The following L3MBTL4 variants were observed in gnomAD, a reference collection of about 807,000 sequenced individuals.
L3MBTL4 encodes the protein lethal(3)malignant brain tumor-like protein 4.
Under a neutral mutation model 84.5 loss-of-function variants are expected in L3MBTL4, and 70 were observed. The observed-to-expected ratio is 0.83, with a 90% CI of 0.68 to 1.01. The LOEUF is 1.01. Among genes scored for constraint, L3MBTL4 ranks in the 50% least tolerant of loss-of-function variants. L3MBTL4 has a pLI of 0.00. For missense variants in L3MBTL4, 715 were observed against 754.8 expected, an observed-to-expected ratio of 0.95 and a Z score of 0.62; for synonymous variants, 274 against 259.8, an observed-to-expected ratio of 1.05 and a Z score of -0.52.
chr18:6,122,407 C>T (rs2059561103), intron 14 of L3MBTL4, among the ~76,000 whole-genome samples: 1 of 152,118 alleles, frequency 6.6e-6, no homozygotes, highest in Non-Finnish European at 1.5e-5. Context: ...TGGGAGGGAC[C>T]CAGTTGGAGG....
intron 14 of L3MBTL4, among the ~76,000 whole-genome samples, chr18:6,125,346 ACT>A (rs1283536693): frequency 6.6e-6 from 1 of 152,180 alleles, no homozygotes; most frequent in African/African-American, 2.4e-5. Context: ...AATAGGTTAA[ACT>A]CTCTTATCAA....
chr18:5,961,594 C>CA (rs1216665189), intron 17 of L3MBTL4, among the ~76,000 whole-genome samples: 1 of 152,022 alleles, frequency 6.6e-6, no homozygotes, highest in Non-Finnish European at 1.5e-5. Flanking sequence ...AACAAACAAA[C>CA]AAAAAAACCT....
intron 14 of L3MBTL4, among the ~76,000 whole-genome samples, chr18:6,095,273 G>A (rs1241078569): frequency 2.0e-5 from 3 of 151,808 alleles, no homozygotes; most frequent in African/African-American, 7.3e-5. Flanking sequence ...AAGGCCTTGT[G>A]GCACTTTCTT....
chr18:6,144,069 C>G lies in L3MBTL4; in HGVS notation c.1097-5773G>C, dbSNP rs568982098. On this transcript the variant is annotated intron_variant, in intron 13 of 18. Transcript: ENST00000317931. ...AGAATTGGCTGGGCATGGTGGCAGGCCCTGTAGTCCCAGCTACTGGAGAGG... is the reference window on the plus strand; with the variant it reads ...AGAATTGGCTGGGCATGGTGGCAGGGCCTGTAGTCCCAGCTACTGGAGAGG... Among the ~76,000 whole-genome samples the G allele has an allele frequency of 8.4e-3, 1,270 of 151,858 alleles. 10 individuals are homozygous for G. Among genetic ancestry groups the G allele is most frequent in the Middle Eastern group, 0.024 (7 of 294 alleles).
intron 16 of L3MBTL4, among the ~76,000 whole-genome samples, chr18:5,994,228 G>A (rs542090158): frequency 6.6e-6 from 1 of 152,276 alleles, no homozygotes; most frequent in African/African-American, 2.4e-5. Flanking sequence ...TGCCTCTACC[G>A]GCCAGGCATC....
At chr18:6,067,892 G>A (rs1211328896) in intron 16 of L3MBTL4, among the ~76,000 whole-genome samples, 1 of 151,770 alleles carries the variant, frequency 6.6e-6, no homozygotes, top group African/African-American at 2.4e-5. Context: ...TTACTTTTCT[G>A]GTTTCTTCTT....
chr18:6,244,059 A>T lies in L3MBTL4; in HGVS notation c.324+425T>A, dbSNP rs149670555. 2.0e-3 allele frequency among the ~76,000 whole-genome samples: 302 copies of T among 152,328 alleles called. 2 individuals carry two copies. The highest frequency in any genetic ancestry group is 6.7e-3 in the African/African-American group (279 of 41,588). ...AAGTATTACATTTTATAAGCCATTC[A>T]TCAAGAGCTCTCCACTCTAAATAAT... On this transcript the variant is annotated intron_variant, in intron 6 of 18. Transcript: ENST00000317931.
intron 7 of L3MBTL4, among the ~76,000 whole-genome samples, chr18:6,242,240 C>G (rs886692561): frequency 1.1e-4 from 16 of 152,154 alleles, no homozygotes; most frequent in African/African-American, 3.9e-4. Flanking sequence ...CGCACTCCTG[C>G]CCCGGCGCCT....
intron 17 of L3MBTL4, among the ~76,000 whole-genome samples, chr18:5,966,048 G>C (rs942336844): frequency 1.2e-4 from 19 of 152,220 alleles, no homozygotes; most frequent in African/African-American, 4.6e-4. Flanking sequence ...AAAGACCGGG[G>C]CTCTCATCTT....
At chr18:6,010,166 C>T (rs563330486) in intron 16 of L3MBTL4, among the ~76,000 whole-genome samples, 155 of 152,012 alleles carry the variant, frequency 1.0e-3, no homozygotes, top group African/African-American at 3.6e-3. Flanking sequence ...GAAAGTAATA[C>T]ATTTCTGATT....
In L3MBTL4 at chr18:6,276,453, C is replaced by T. The variant is rs77080089; in HGVS notation, c.128-12415G>A. On this transcript the variant is annotated intron_variant, in intron 4 of 18. Transcript: ENST00000317931. The stretch of plus-strand genomic sequence containing the variant: ...GTTCTTGCCCCTAAAGAGCTTGCAG[C>T]TTAGTGGAGGAACTAGATAACTATC... 3.0e-3 allele frequency among the ~76,000 whole-genome samples: 452 copies of T among 152,176 alleles called. 5 individuals are homozygous for T. Among genetic ancestry groups the T allele is most frequent in the African/African-American group, 0.011 (436 of 41,512 alleles).
intron 13 of L3MBTL4, among the ~76,000 whole-genome samples, chr18:6,144,294 T>C: frequency 6.6e-6 from 1 of 151,996 alleles, no homozygotes; most frequent in Admixed American, 6.5e-5. Flanking sequence ...TATTCTCATT[T>C]CAGAGCTCAG....
intron 1 of L3MBTL4, among the ~76,000 whole-genome samples, chr18:6,375,207 A>G (rs566512007): frequency 6.6e-6 from 1 of 151,562 alleles, no homozygotes; most frequent in African/African-American, 2.4e-5. Context: ...TACCTTCCAA[A>G]CTTACTGTCC....
intron 12 of L3MBTL4, among the ~76,000 whole-genome samples, chr18:6,209,866 T>G (rs367586864): frequency 1.3e-5 from 2 of 152,222 alleles, no homozygotes; most frequent in Admixed American, 1.3e-4. Flanking sequence ...GAAAACATTA[T>G]GCCAGGTGAA....
chr18:6,287,692 G>A (rs1269364758), intron 4 of L3MBTL4, among the ~76,000 whole-genome samples: 1 of 152,204 alleles, frequency 6.6e-6, no homozygotes, highest in Non-Finnish European at 1.5e-5. Flanking sequence ...ACCTTGGTAG[G>A]CTAACTCTTA....
At chr18:6,374,790 A>G (rs2054298794) in intron 1 of L3MBTL4, among the ~76,000 whole-genome samples, 1 of 151,952 alleles carries the variant, frequency 6.6e-6, no homozygotes, top group Non-Finnish European at 1.5e-5. Context: ...CGCCACCACC[A>G]TTTCCCTCAA....
chr18:6,196,102 T>C (rs559704041), intron 12 of L3MBTL4, among the ~76,000 whole-genome samples: 2 of 151,134 alleles, frequency 1.3e-5, no homozygotes, highest in East Asian at 1.9e-4. Flanking sequence ...TCCACTGATA[T>C]CTGCTTCCCC....
chr18:6,221,391 C>T (rs1287825884), intron 10 of L3MBTL4, among the ~76,000 whole-genome samples: 3 of 152,026 alleles, frequency 2.0e-5, no homozygotes, highest in Non-Finnish European at 4.4e-5. Flanking sequence ...TCACAATAGA[C>T]AAATCTATCT....
chr18:6,398,182 C>G (rs761624836), intron 1 of L3MBTL4, among the ~76,000 whole-genome samples: 1 of 152,078 alleles, frequency 6.6e-6, no homozygotes. Flanking sequence ...ACTCCAAAAA[C>G]AAAAAGAAAA....
Sources: gnomAD v4.1 joint callset for allele counts (sites outside exome capture counted in the v4.1 genomes callset) on GRCh38, gnomAD v4.1.1 for gene constraint, MANE v1.5 for transcripts, NCBI Gene and HGNC (gene_info 2026-07-23, HGNC 2026-07-21) for gene names.